The following SNX29 variants were observed in gnomAD, a reference collection of about 807,000 sequenced individuals.
SNX29 encodes sorting nexin 29, also known as sorting nexin-29.
Under a neutral mutation model 102.1 loss-of-function variants are expected in SNX29, and 78 were observed. The observed-to-expected ratio is 0.76, with a 90% CI of 0.64 to 0.92. SNX29 has a LOEUF of 0.92. SNX29 is among the 40% of genes least tolerant of loss of function. The pLI is 0.00. For synonymous variants in SNX29, 580 were observed against 414.5 expected (o/e 1.40, Z -4.85); for missense variants, 1,280 against 1,061.7 (o/e 1.21, Z -2.86).
chr16:12,460,811 C>A (rs112846368), intron 18 of SNX29, among the ~76,000 whole-genome samples: 6,953 of 152,136 alleles, frequency 0.046, 383 homozygotes, highest in African/African-American at 0.13. Flanking sequence ...AGGGTGCATG[C>A]CACCATGCCC....
At chr16:12,531,107 C>G (rs956202706) in intron 20 of SNX29, among the ~76,000 whole-genome samples, 2 of 152,210 alleles carry the variant, frequency 1.3e-5, no homozygotes, top group Non-Finnish European at 2.9e-5. Context: ...CCTGACATCA[C>G]TAAAGCCCAC....
At position 12,048,497 on chromosome 16, in the gene SNX29, G is replaced by A; in HGVS notation, c.625G>A (p.Glu209Lys). 1 of 1,613,894 alleles carries A rather than the reference G, an allele frequency of 6.2e-7. No homozygotes were observed. Among genetic ancestry groups the A allele is most frequent in the Non-Finnish European group, 8.5e-7 (1 of 1,179,870 alleles). ...STQNVTSLLK[E>K]STQGVSSLFR... ...GCAGAACGTGACCTCCTTGCTGAAGGAGTCCACGCAAGGAGTGAGCAGCCT... is the reference window on the plus strand; with the variant it reads ...GCAGAACGTGACCTCCTTGCTGAAGAAGTCCACGCAAGGAGTGAGCAGCCT... The change falls in exon 7 of 21, where the codon GAG becomes AAG. Residue 209 changes from glutamate (E) to lysine (K), a missense_variant. Transcript: ENST00000566228.
chr16:12,179,755 C>A (rs1000608749), intron 13 of SNX29, among the ~76,000 whole-genome samples: 4 of 152,142 alleles, frequency 2.6e-5, no homozygotes, highest in African/African-American at 9.7e-5. Context: ...CACGTTGTTA[C>A]TAGTTTGTGC....
At chr16:12,514,211 A>T (rs1415117004) in intron 19 of SNX29, among the ~76,000 whole-genome samples, 1 of 152,238 alleles carries the variant, frequency 6.6e-6, no homozygotes, top group Non-Finnish European at 1.5e-5. Context: ...AGCTGTTTTC[A>T]GTCTCATAGA....
intron 18 of SNX29, among the ~76,000 whole-genome samples, chr16:12,420,662 A>C (rs1200128106): frequency 6.6e-6 from 1 of 152,186 alleles, no homozygotes; most frequent in Non-Finnish European, 1.5e-5. Flanking sequence ...GACCTCACAG[A>C]GTTGATATAA....
At chr16:12,546,136 G>T (rs2077591998) in intron 20 of SNX29, 1 of 152,144 alleles carries the variant, frequency 6.6e-6, no homozygotes, top group African/African-American at 2.4e-5. Context: ...CCACAAAACA[G>T]AGCTAATAAC....
chr16:12,083,732 C>T (rs1448559835), intron 11 of SNX29, among the ~76,000 whole-genome samples: 2 of 152,196 alleles, frequency 1.3e-5, no homozygotes, highest in African/African-American at 2.4e-5. Context: ...CTGAGATTCT[C>T]CTCTAGAGCA....
intron 14 of SNX29, among the ~76,000 whole-genome samples, chr16:12,241,782 C>A (rs759951510): frequency 1.3e-5 from 2 of 152,144 alleles, no homozygotes; most frequent in Non-Finnish European, 2.9e-5. Flanking sequence ...ATCTTTGTTT[C>A]CCCATCTCTT....
At chr16:12,485,579 A>G (rs1312491707) in intron 19 of SNX29, among the ~76,000 whole-genome samples, 1 of 152,196 alleles carries the variant, frequency 6.6e-6, no homozygotes, top group Non-Finnish European at 1.5e-5. Flanking sequence ...GGGAGGTGCC[A>G]TTGGAAACAC....
At position 12,568,744 on chromosome 16, in the gene SNX29, G is replaced by C. The variant is rs970648755; in HGVS notation, c.*115G>C. On this transcript the variant is annotated 3_prime_UTR_variant, in exon 21 of 21. Coordinates refer to ENST00000566228, the MANE Select transcript of SNX29 (RefSeq NM_032167.5). ...AACCACGTCCACCTGGTGATCCTGA[G>C]AGCACACGATTCCCAACAGTTACAC... 1 of 1,436,422 alleles carries C rather than the reference G, an allele frequency of 7.0e-7. No individual in the cohort carries two copies. Among genetic ancestry groups the C allele is most frequent in the Non-Finnish European group, 9.3e-7 (1 of 1,077,758 alleles). 89.0% of individuals were successfully genotyped at this position (1,436,422 alleles called of 1,614,324 possible).
chr16:12,310,018 G>C (rs143456803), intron 15 of SNX29, among the ~76,000 whole-genome samples: 1 of 145,434 alleles, frequency 6.9e-6, no homozygotes, highest in African/African-American at 2.6e-5. Context: ...GTGCACGCAC[G>C]CTTGCACACA....
intron 15 of SNX29, among the ~76,000 whole-genome samples, chr16:12,303,829 A>G (rs889066679): frequency 1.3e-5 from 2 of 152,202 alleles, no homozygotes; most frequent in East Asian, 1.9e-4. Flanking sequence ...GCAGCGGTTC[A>G]CTGGGCGGAG....
At chr16:12,022,091 G>GTTTT (rs34463878) in intron 3 of SNX29, among the ~76,000 whole-genome samples, 1 of 131,206 alleles carries the variant, frequency 7.6e-6, no homozygotes, top group Non-Finnish European at 1.6e-5. Flanking sequence ...CTGGGGGGAA[G>GTTTT]TTTTTTTTTT....
Position 12,271,859 on chromosome 16 carries a change from G to A in SNX29, c.1679-6074G>A. Among the ~76,000 whole-genome samples the A allele has an allele frequency of 1.3e-5, 2 of 152,156 alleles. 1 individual carries two copies. Among genetic ancestry groups the A allele is most frequent in the Non-Finnish European group, 2.9e-5 (2 of 68,028 alleles). On this transcript the variant is annotated intron_variant, in intron 14 of 20. Coordinates refer to ENST00000566228, the MANE Select transcript of SNX29 (RefSeq NM_032167.5). ...GCTGGTGTTGAACTCCTAACCTCAA[G>A]TGATCCGCCTGCCTTAGCCTCCCGA...
At chr16:12,521,113 G>A (rs2090082132) in intron 19 of SNX29, among the ~76,000 whole-genome samples, 1 of 152,180 alleles carries the variant, frequency 6.6e-6, no homozygotes, top group African/African-American at 2.4e-5. Context: ...CTGGGAGGCG[G>A]AGGTTGCAGT....
At position 12,167,723 on chromosome 16, in the gene SNX29, A is replaced by C. The variant is rs374827840; in HGVS notation, c.1596-31878A>C. Among the ~76,000 whole-genome samples, 20 of 152,330 alleles carry C rather than the reference A, an allele frequency of 1.3e-4. No homozygotes were observed. The East Asian group carries it at 3.3e-3, about 25-fold the overall frequency. ...GGGACCAAGGCACAAAGAAGTCATC[A>C]CTTGTTGAAGGTAACAAGCCGGGGA... On this transcript the variant is annotated intron_variant, in intron 13 of 20. Coordinates refer to ENST00000566228, the MANE Select transcript of SNX29 (RefSeq NM_032167.5).
At chr16:12,468,363 C>G (rs538054853) in intron 18 of SNX29, among the ~76,000 whole-genome samples, 1 of 151,748 alleles carries the variant, frequency 6.6e-6, no homozygotes, top group Non-Finnish European at 1.5e-5. Context: ...TTAGTAGAGA[C>G]GGGGTTTCAC....
chr16:12,132,097 C>T (rs1300415271), intron 13 of SNX29, among the ~76,000 whole-genome samples: 1 of 147,108 alleles, frequency 6.8e-6, no homozygotes, highest in Non-Finnish European at 1.5e-5. Context: ...ATTATATGCC[C>T]TGTCTTTTTT....
intron 2 of SNX29, among the ~76,000 whole-genome samples, chr16:12,000,054 G>A (rs1282244619): frequency 6.6e-6 from 1 of 152,088 alleles, no homozygotes; most frequent in Non-Finnish European, 1.5e-5. Flanking sequence ...GAGGATGGAG[G>A]CCACGCCTGA....
Sources: gnomAD v4.1 joint callset for allele counts (sites outside exome capture counted in the v4.1 genomes callset) on GRCh38, gnomAD v4.1.1 for gene constraint, MANE v1.5 for transcripts, NCBI Gene and HGNC (gene_info 2026-07-23, HGNC 2026-07-21) for gene names.